The following PRKG1 variants were observed in gnomAD, a reference collection of about 807,000 sequenced individuals.
PRKG1 encodes the protein protein kinase cGMP-dependent 1.
A neutral mutation model predicts 88.1 loss-of-function variants in PRKG1; 35 were observed. The ratio of observed to expected loss-of-function variants is 0.40; its 90% confidence interval spans 0.30 to 0.53. The LOEUF is 0.53. Among genes scored for constraint, PRKG1 ranks in the 20% least tolerant of loss-of-function variants. The pLI is 0.59. For synonymous variants in PRKG1, 303 were observed against 292.5 expected, an observed-to-expected ratio of 1.04 and a Z score of -0.37; for missense variants, 540 against 839.8, an observed-to-expected ratio of 0.64 and a Z score of 4.41.
intron 4 of PRKG1, among the ~76,000 whole-genome samples, chr10:51,907,253 A>T (rs1466108294): frequency 6.6e-6 from 1 of 152,052 alleles, no homozygotes; most frequent in Non-Finnish European, 1.5e-5. Context: ...AGTCTGTCCA[A>T]ACTCCAAGTT....
At chr10:52,234,612 AG>A (rs1439511480) in intron 9 of PRKG1, among the ~76,000 whole-genome samples, 4 of 138,732 alleles carry the variant, frequency 2.9e-5, no homozygotes, top group Non-Finnish European at 4.6e-5. Context: ...GGAAGTTTAG[AG>A]AAAAAAGAAT....
At chr10:52,259,236 C>T (rs545455820) in intron 10 of PRKG1, among the ~76,000 whole-genome samples, 11 of 152,058 alleles carry the variant, frequency 7.2e-5, no homozygotes, top group African/African-American at 2.7e-4. Context: ...ACTAGACAAG[C>T]TATTTTTAGG....
chr10:51,529,294 A>T (rs1281619174), intron 3 of PRKG1, among the ~76,000 whole-genome samples: 1 of 152,092 alleles, frequency 6.6e-6, no homozygotes, highest in Non-Finnish European at 1.5e-5. Context: ...GATGTCTTTC[A>T]TTCCACTCTA....
chr10:51,697,599 C>G, intron 3 of PRKG1: 5 of 1,157,380 alleles, frequency 4.3e-6, no homozygotes, highest in Non-Finnish European at 6.2e-6. Flanking sequence ...GGAGGGAAAC[C>G]CTAATCCAAG....
At chr10:51,944,583 T>TAGAA (rs1423376887) in intron 5 of PRKG1, among the ~76,000 whole-genome samples, 4 of 152,128 alleles carry the variant, frequency 2.6e-5, no homozygotes, top group Non-Finnish European at 4.4e-5. Context: ...CTTTCTCTTG[T>TAGAA]GGGCATTTAG....
At chr10:51,418,440 C>G (rs762475105) in intron 2 of PRKG1, among the ~76,000 whole-genome samples, 9 of 152,080 alleles carry the variant, frequency 5.9e-5, no homozygotes, top group Non-Finnish European at 1.3e-4. Flanking sequence ...TCATTACTAC[C>G]CTGTAACTAA....
chr10:51,742,187 G>A (rs1288056427), intron 3 of PRKG1, among the ~76,000 whole-genome samples: 1 of 152,126 alleles, frequency 6.6e-6, no homozygotes, highest in Non-Finnish European at 1.5e-5. Context: ...GAACTCAGAA[G>A]GTGTATTTTA....
At chr10:51,307,816 A>T (rs1412605926) in intron 2 of PRKG1, among the ~76,000 whole-genome samples, 1 of 152,116 alleles carries the variant, frequency 6.6e-6, no homozygotes, top group Non-Finnish European at 1.5e-5. Context: ...AATTTTAAGA[A>T]CTTAATTTTT....
At chr10:52,068,470 A>T (rs1169771016) in intron 7 of PRKG1, among the ~76,000 whole-genome samples, 2 of 152,110 alleles carry the variant, frequency 1.3e-5, no homozygotes, top group African/African-American at 2.4e-5. Context: ...TTTGGAACTT[A>T]TTCTGTCATT....
intron 7 of PRKG1, among the ~76,000 whole-genome samples, chr10:52,080,018 C>T (rs1846731052): frequency 6.6e-6 from 1 of 152,144 alleles, no homozygotes; most frequent in Admixed American, 6.5e-5. Context: ...CCAGTGCCCA[C>T]TAAATAAACA....
chr10:52,012,430 G>A (rs1844913136), intron 5 of PRKG1, among the ~76,000 whole-genome samples: 2 of 152,104 alleles, frequency 1.3e-5, no homozygotes, highest in Non-Finnish European at 2.9e-5. Context: ...TTTTAGTAGA[G>A]ACAGGGTTTC....
intron 5 of PRKG1, among the ~76,000 whole-genome samples, chr10:52,011,206 T>A (rs998124457): frequency 2.6e-5 from 4 of 152,210 alleles, no homozygotes; most frequent in African/African-American, 4.8e-5. Context: ...CCCTTTAAGT[T>A]TCTGCCTTCA....
intron 8 of PRKG1, among the ~76,000 whole-genome samples, chr10:52,154,561 A>G (rs1471291786): frequency 6.6e-6 from 1 of 152,258 alleles, no homozygotes; most frequent in Non-Finnish European, 1.5e-5. Context: ...AATATTTATA[A>G]TATCAAAATT....
chr10:52,250,748 G>T (rs902157976), intron 9 of PRKG1, among the ~76,000 whole-genome samples: 2 of 152,090 alleles, frequency 1.3e-5, no homozygotes, highest in Non-Finnish European at 2.9e-5. Context: ...CTTTGACAAG[G>T]ATATATTTTA....
chr10:51,265,429 T>G (rs918506421), intron 2 of PRKG1, among the ~76,000 whole-genome samples: 3 of 152,196 alleles, frequency 2.0e-5, no homozygotes, highest in South Asian at 2.1e-4. Flanking sequence ...GCTAAAAAAA[T>G]TCTTTGTTGA....
At chr10:51,695,054 CCCT>C (rs1338173921) in intron 3 of PRKG1, among the ~76,000 whole-genome samples, 3 of 152,046 alleles carry the variant, frequency 2.0e-5, no homozygotes, top group African/African-American at 7.2e-5. Context: ...GATTTTTTCC[CCCT>C]AATAACTCTA....
intron 5 of PRKG1, among the ~76,000 whole-genome samples, chr10:51,941,925 T>A (rs1158573260): frequency 1.3e-5 from 2 of 152,026 alleles, no homozygotes; most frequent in Admixed American, 1.3e-4. Context: ...TGTGTGCATG[T>A]CTTTATAGCA....
intron 5 of PRKG1, among the ~76,000 whole-genome samples, chr10:52,023,096 G>A (rs1269345298): frequency 1.3e-5 from 2 of 152,134 alleles, no homozygotes; most frequent in African/African-American, 4.8e-5. Context: ...GTCCTGGTGT[G>A]TGATGTTTCC....
At position 52,293,953 on chromosome 10, in the gene PRKG1, C is replaced by G; in HGVS notation, c.*53C>G. ...GCTGAAGACAGCTTTTTCTGAGACACAGCTGCCAGCAAACCTGAGGGAAAG... is the reference window on the plus strand; with the variant it reads ...GCTGAAGACAGCTTTTTCTGAGACAGAGCTGCCAGCAAACCTGAGGGAAAG... On this transcript the variant is annotated 3_prime_UTR_variant, in exon 18 of 18. Coordinates refer to ENST00000373980, the MANE Select transcript of PRKG1 (RefSeq NM_006258.4). The G allele has an allele frequency of 7.0e-7, 1 of 1,433,256 alleles. No homozygotes were observed. The highest frequency in any genetic ancestry group is 9.8e-7 in the Non-Finnish European group (1 of 1,022,304). 88.8% of individuals were successfully genotyped at this position (1,433,256 alleles called of 1,614,324 possible).
Sources: allele counts gnomAD v4.1 joint callset (sites outside exome capture counted in the v4.1 genomes callset), GRCh38; gene constraint gnomAD v4.1.1; transcripts MANE v1.5; gene names NCBI Gene and HGNC (gene_info 2026-07-23, HGNC 2026-07-21).